LEMD3: variants seen among roughly 807,000 people sequenced by gnomAD.
LEMD3 encodes the protein inner nuclear membrane protein Man1.
A neutral mutation model predicts 95.2 loss-of-function variants in LEMD3; 33 were observed. The observed-to-expected ratio is 0.35, with a 90% CI of 0.26 to 0.46. LEMD3 has a LOEUF of 0.46. Ranked by LOEUF, LEMD3 falls within the 20% of genes least tolerant of loss-of-function variation. The probability of loss-of-function intolerance (pLI) is 1.00; values close to 1 mark genes in which losing one functional copy is unlikely to be tolerated. For missense variants in LEMD3, 1,210 were observed against 1,192.8 expected, an observed-to-expected ratio of 1.01 and a Z score of -0.21; for synonymous variants, 525 against 474.6, an observed-to-expected ratio of 1.11 and a Z score of -1.38.
At chr12:65,175,781 A>G (rs762993008) in intron 1 of LEMD3, among the ~76,000 whole-genome samples, 5 of 152,042 alleles carry the variant, frequency 3.3e-5, no homozygotes, top group Non-Finnish European at 7.4e-5. Flanking sequence ...AGGTATACCT[A>G]TTTGTTTACT....
intron 1 of LEMD3, among the ~76,000 whole-genome samples, chr12:65,189,844 T>C (rs1481834219): frequency 6.6e-6 from 1 of 152,170 alleles, no homozygotes; most frequent in Non-Finnish European, 1.5e-5. Flanking sequence ...TAAAAGCCTC[T>C]CTAGGCTATG....
intron 4 of LEMD3, among the ~76,000 whole-genome samples, chr12:65,224,237 C>A (rs1343020456): frequency 6.6e-6 from 1 of 152,170 alleles, no homozygotes; most frequent in Non-Finnish European, 1.5e-5. Flanking sequence ...TGCTAGGTAG[C>A]ATCCTTTCAT....
rs2136313585 is a variant in LEMD3, at chr12:65,170,919, C to A, written c.1323C>A (p.Tyr441Ter). The A allele has an allele frequency of 6.2e-7, 1 of 1,614,228 alleles. No homozygotes were observed. The highest frequency in any genetic ancestry group is 8.5e-7 in the Non-Finnish European group (1 of 1,180,042). Reference protein sequence around the residue: ...GSNHTYLKNTYNKPKLSEPEE... With the variant: ...GSNHTYLKNT ...ATCATACCTACCTGAAAAACACATA[C>A]AACAAACCGAAGCTTTCCGAACCCG... Residue 441 changes from tyrosine to a stop codon, truncating the protein, a stop_gained, in exon 1 of 13, where the codon TAC becomes TAA. Coordinates refer to ENST00000308330, the MANE Select transcript of LEMD3 (RefSeq NM_014319.5). LOFTEE classifies it high-confidence loss of function.
At chr12:65,242,120 T>G (rs1870955937) in intron 9 of LEMD3, among the ~76,000 whole-genome samples, 1 of 152,204 alleles carries the variant, frequency 6.6e-6, no homozygotes, top group Non-Finnish European at 1.5e-5. Flanking sequence ...AAACTGAAAA[T>G]AGAGAATTCC....
chr12:65,206,984 T>C (rs1869782719), intron 1 of LEMD3, among the ~76,000 whole-genome samples: 1 of 152,144 alleles, frequency 6.6e-6, no homozygotes, highest in Non-Finnish European at 1.5e-5. Context: ...GAATCTCATA[T>C]TTTTTAATCC....
chr12:65,206,040 C>T (rs1869753862), intron 1 of LEMD3, among the ~76,000 whole-genome samples: 2 of 152,064 alleles, frequency 1.3e-5, no homozygotes, highest in Non-Finnish European at 2.9e-5. Context: ...CCTTGTTCAC[C>T]CTGTCCATTT....
chr12:65,225,077 T>A (rs1870407199), intron 4 of LEMD3, among the ~76,000 whole-genome samples: 1 of 152,158 alleles, frequency 6.6e-6, no homozygotes, highest in Admixed American at 6.5e-5. Flanking sequence ...CCAAAATTTC[T>A]GGGTTTTAAA....
chr12:65,231,126 T>G (rs1232881173), intron 4 of LEMD3, among the ~76,000 whole-genome samples: 1 of 152,198 alleles, frequency 6.6e-6, no homozygotes, highest in Non-Finnish European at 1.5e-5. Flanking sequence ...AAGAATTATG[T>G]AAAATGTTAA....
chr12:65,219,453 AAAG>A (rs1870214252), intron 4 of LEMD3, among the ~76,000 whole-genome samples: 1 of 152,214 alleles, frequency 6.6e-6, no homozygotes, highest in African/African-American at 2.4e-5. Flanking sequence ...ATAATTTCAT[AAAG>A]ATCTGAGTTC....
intron 4 of LEMD3, among the ~76,000 whole-genome samples, chr12:65,226,512 G>A (rs920185928): frequency 1.3e-5 from 2 of 152,150 alleles, no homozygotes; most frequent in East Asian, 3.9e-4. Flanking sequence ...TAAAAATTAA[G>A]AATGTAGTAT....
chr12:65,244,305 G>C (rs1399910146), intron 10 of LEMD3, among the ~76,000 whole-genome samples: 1 of 146,028 alleles, frequency 6.8e-6, no homozygotes, highest in Non-Finnish European at 1.5e-5. Context: ...CACACACAGA[G>C]ACAAACACCG....
chr12:65,184,987 C>G (rs1251752968), intron 1 of LEMD3, among the ~76,000 whole-genome samples: 1 of 150,740 alleles, frequency 6.6e-6, no homozygotes, highest in South Asian at 2.1e-4. Flanking sequence ...CTTTTTTTTT[C>G]TTTTTGAAAG....
rs963075463 is a variant in LEMD3 at position 65,206,643 on chromosome 12, A to G, written c.1523-4283A>G. 2.6e-5 allele frequency among the ~76,000 whole-genome samples: 4 copies of G among 152,102 alleles called. 1 individual carries two copies. Among genetic ancestry groups the G allele is most frequent in the Admixed American group, 2.0e-4 (3 of 15,260 alleles). On this transcript the variant is annotated intron_variant, in intron 1 of 12. Transcript: ENST00000308330. The stretch of plus-strand genomic sequence containing the variant: ...GTGCCATGGCCTGAGAGAGAAGGGG[A>G]GAGTGAATAATCATGTCCATGGAAA...
chr12:65,171,222 T>C (rs1868541499), intron 1 of LEMD3, 104 bp downstream of exon 1: 4 of 1,570,326 alleles, frequency 2.5e-6, no homozygotes, highest in Admixed American at 3.6e-5. Flanking sequence ...TGCAAGAATA[T>C]GGTTTAACAG....
At chr12:65,244,743 T>G (rs138382553) in intron 10 of LEMD3, among the ~76,000 whole-genome samples, 1 of 151,892 alleles carries the variant, frequency 6.6e-6, no homozygotes, top group African/African-American at 2.4e-5. Context: ...AACTCAGGAG[T>G]TCGAGACCAG....
chr12:65,196,309 T>C, intron 1 of LEMD3, among the ~76,000 whole-genome samples: 1 of 152,070 alleles, frequency 6.6e-6, no homozygotes, highest in South Asian at 2.1e-4. Context: ...TTTGAGTCTT[T>C]TAGGAGCTTC....
At chr12:65,227,183 A>G (rs1412543710) in intron 4 of LEMD3, among the ~76,000 whole-genome samples, 1 of 152,214 alleles carries the variant, frequency 6.6e-6, no homozygotes, top group Non-Finnish European at 1.5e-5. Context: ...CCATGAAGAA[A>G]GGCATAGTGA....
intron 1 of LEMD3, among the ~76,000 whole-genome samples, chr12:65,204,156 A>C (rs1218119516): frequency 6.6e-6 from 1 of 151,710 alleles, no homozygotes; most frequent in Non-Finnish European, 1.5e-5. Context: ...GCTTCTAAGA[A>C]ACTCACTTTT....
chr12:65,246,115 A>G (rs1463732187), intron 12 of LEMD3, 47 bp from the exon 13 acceptor site: 1 of 1,472,922 alleles, frequency 6.8e-7, no homozygotes, highest in East Asian at 2.3e-5. Context: ...TTCTGCAAAT[A>G]TTAAACAGTT....
Sources: gnomAD v4.1 joint callset for allele counts (sites outside exome capture counted in the v4.1 genomes callset) on GRCh38, gnomAD v4.1.1 for gene constraint, MANE v1.5 for transcripts, NCBI Gene and HGNC (gene_info 2026-07-23, HGNC 2026-07-21) for gene names.